The following FAM222A variants were observed in gnomAD, a reference collection of about 807,000 sequenced individuals.
FAM222A encodes family with sequence similarity 222 member A.
FAM222A carries 7 observed loss-of-function variants against 25.8 expected under a neutral mutation model. The ratio of observed to expected loss-of-function variants is 0.27; its 90% CI spans 0.15 to 0.51. The LOEUF is 0.51. Ranked by LOEUF, FAM222A falls within the 20% of genes least tolerant of loss-of-function variation. The pLI is 0.97. For synonymous variants in FAM222A, 294 were observed against 298.8 expected, an observed-to-expected ratio of 0.98 and a Z score of 0.17; for missense variants, 573 against 640.5, an observed-to-expected ratio of 0.89 and a Z score of 1.14.
rs190368368 is a variant in FAM222A at position 109,727,656 on chromosome 12, G to A, written c.-47+12759G>A. On this transcript the variant is annotated intron_variant, in intron 1 of 2. Coordinates refer to ENST00000538780, the MANE Select transcript of FAM222A (RefSeq NM_032829.3). ...GACAGGCAACTTGCCACGCTGGCAC[G>A]TGGTCATGGGGTGGGGATGTGGCCG... Among the ~76,000 whole-genome samples, 15 of 152,310 alleles carry A rather than the reference G, an allele frequency of 9.8e-5. No individual in the cohort carries two copies. In the East Asian group the frequency reaches 2.7e-3, roughly 27 times the overall value.
intron 1 of FAM222A, among the ~76,000 whole-genome samples, chr12:109,721,184 G>A (rs1887738415): frequency 6.6e-6 from 1 of 152,174 alleles, no homozygotes; most frequent in South Asian, 2.1e-4. Context: ...AGCAGCCCTG[G>A]GCCACATGGC....
intron 1 of FAM222A, among the ~76,000 whole-genome samples, chr12:109,729,634 A>G (rs1248517472): frequency 6.6e-6 from 1 of 152,254 alleles, no homozygotes; most frequent in Non-Finnish European, 1.5e-5. Flanking sequence ...GCAGCAACAC[A>G]CACAGACGCG....
At chr12:109,726,638 G>A (rs1220559135) in intron 1 of FAM222A, among the ~76,000 whole-genome samples, 1 of 152,210 alleles carries the variant, frequency 6.6e-6, no homozygotes. Context: ...GGAGCAGCAG[G>A]GGGGCTCAGG....
chr12:109,741,395 G>T (rs1046240535), intron 1 of FAM222A, among the ~76,000 whole-genome samples: 1 of 152,182 alleles, frequency 6.6e-6, no homozygotes, highest in African/African-American at 2.4e-5. Context: ...CCTACACTTG[G>T]ACACCATCAC....
intron 1 of FAM222A, among the ~76,000 whole-genome samples, chr12:109,738,676 T>C (rs1888150841): frequency 6.6e-6 from 1 of 152,254 alleles, no homozygotes; most frequent in Non-Finnish European, 1.5e-5. Context: ...ATCTTGTCCC[T>C]GCTCGAGATT....
chr12:109,742,524 G>A (rs1443375640), intron 1 of FAM222A, among the ~76,000 whole-genome samples: 3 of 151,878 alleles, frequency 2.0e-5, no homozygotes, highest in East Asian at 1.9e-4. Context: ...CTTTTATTGC[G>A]TCTCTGTGTT....
At chr12:109,767,747 C>T (rs116360867) in intron 2 of FAM222A, among the ~76,000 whole-genome samples, 2 of 152,272 alleles carry the variant, frequency 1.3e-5, no homozygotes, top group African/African-American at 4.8e-5. Flanking sequence ...CTGGGAGGGG[C>T]CCAGGGACCC....
At chr12:109,716,858 C>G (rs923311788) in intron 1 of FAM222A, among the ~76,000 whole-genome samples, 1 of 152,252 alleles carries the variant, frequency 6.6e-6, no homozygotes, top group Non-Finnish European at 1.5e-5. Context: ...CTCAGCATCT[C>G]CCTATATGCC....
chr12:109,723,663 G>A (rs1049584261), intron 1 of FAM222A, among the ~76,000 whole-genome samples: 2 of 152,244 alleles, frequency 1.3e-5, no homozygotes, highest in African/African-American at 2.4e-5. Flanking sequence ...CACTCCTGGC[G>A]AAGGCTGGGG....
chr12:109,755,661 C>T (rs1888706270), intron 2 of FAM222A, among the ~76,000 whole-genome samples: 1 of 152,178 alleles, frequency 6.6e-6, no homozygotes, highest in Non-Finnish European at 1.5e-5. Context: ...TTGTGTACAT[C>T]ATGAGGAAAG....
chr12:109,769,371 G>A lies in FAM222A; in HGVS notation c.*83G>A. ...GCAGAACAGGGTGGGCGGCTCGCAG[G>A]GGCGCTCAGCCCCACCCTGTGCCTG... On this transcript the variant is annotated 3_prime_UTR_variant, in exon 3 of 3. Transcript: ENST00000538780. 2 of 1,454,510 alleles carry A rather than the reference G, an allele frequency of 1.4e-6. No homozygotes were observed. The highest frequency in any genetic ancestry group is 1.8e-6 in the Non-Finnish European group (2 of 1,091,146). 90.1% of individuals were successfully genotyped at this position (1,454,510 alleles called of 1,614,324 possible). A position where few individuals can be genotyped will look rare whatever the true frequency, so the allele number is the denominator to read the frequency against.
intron 2 of FAM222A, among the ~76,000 whole-genome samples, chr12:109,767,694 A>T (rs1265579883): frequency 6.6e-6 from 1 of 152,158 alleles, no homozygotes; most frequent in Non-Finnish European, 1.5e-5. Flanking sequence ...CAACCAGTCC[A>T]TGTTAGAAGT....
At chr12:109,736,389 C>G (rs1239876714) in intron 1 of FAM222A, among the ~76,000 whole-genome samples, 1 of 152,206 alleles carries the variant, frequency 6.6e-6, no homozygotes, top group African/African-American at 2.4e-5. Context: ...GAATTAACCC[C>G]TTTTGCAGAC....
chr12:109,763,526 C>T (rs1888956836), intron 2 of FAM222A, among the ~76,000 whole-genome samples: 1 of 152,198 alleles, frequency 6.6e-6, no homozygotes, highest in Non-Finnish European at 1.5e-5. Context: ...CAAGAAGTCT[C>T]ACATGGTCTT....
At chr12:109,717,742 G>C (rs890681309) in intron 1 of FAM222A, among the ~76,000 whole-genome samples, 3 of 152,180 alleles carry the variant, frequency 2.0e-5, no homozygotes, top group Admixed American at 6.5e-5. Context: ...TGGCCACCTC[G>C]GTTCTGGGGG....
chr12:109,753,547 GCC>G (rs10596849), intron 2 of FAM222A, among the ~76,000 whole-genome samples: 118,289 of 151,490 alleles, frequency 0.78, 46,532 homozygotes, highest in Middle Eastern at 0.83. Context: ...TACCTCACCT[GCC>G]CCCCCATCCC....
intron 1 of FAM222A, among the ~76,000 whole-genome samples, chr12:109,736,599 G>A (rs985043758): frequency 6.6e-5 from 10 of 152,174 alleles, no homozygotes; most frequent in Non-Finnish European, 1.5e-4. Context: ...TCCCTGCCTT[G>A]TAATTACCCC....
chr12:109,751,702 A>C (rs1463893037), intron 2 of FAM222A, among the ~76,000 whole-genome samples: 1 of 152,272 alleles, frequency 6.6e-6, no homozygotes, highest in African/African-American at 2.4e-5. Context: ...CTAAGGGAAG[A>C]ACCTGTCACC....
intron 2 of FAM222A, among the ~76,000 whole-genome samples, chr12:109,760,260 AAC>A (rs1288059575): frequency 6.6e-5 from 10 of 152,186 alleles, no homozygotes; most frequent in Admixed American, 2.6e-4. Flanking sequence ...GGGCAGGGGA[AAC>A]ACATACAGAC....
Sources: allele counts gnomAD v4.1 joint callset (sites outside exome capture counted in the v4.1 genomes callset), GRCh38; gene constraint gnomAD v4.1.1; transcripts MANE v1.5; gene names NCBI Gene and HGNC (gene_info 2026-07-23, HGNC 2026-07-21).